The following RUNDC3B variants were observed in gnomAD, a reference collection of about 807,000 sequenced individuals.
RUNDC3B encodes the protein RUN domain containing 3B.
A neutral mutation model predicts 58.4 loss-of-function variants in RUNDC3B; 33 were observed. That is an observed-to-expected ratio of 0.56 (90% CI 0.43 to 0.75). RUNDC3B has a LOEUF of 0.75. Ranked by LOEUF, RUNDC3B falls within the 30% of genes least tolerant of loss-of-function variation. RUNDC3B has a pLI of 0.00. For missense variants in RUNDC3B, 501 were observed against 535.7 expected, an observed-to-expected ratio of 0.94 and a Z score of 0.64; for synonymous variants, 193 against 195.2, an observed-to-expected ratio of 0.99 and a Z score of 0.10.
intron 6 of RUNDC3B, among the ~76,000 whole-genome samples, chr7:87,753,830 A>G (rs1032204181): frequency 6.6e-6 from 1 of 152,140 alleles, no homozygotes; most frequent in Non-Finnish European, 1.5e-5. Flanking sequence ...AACTTATTCT[A>G]CATAGAGGAG....
chr7:87,825,720 AG>A (rs1417579014), intron 10 of RUNDC3B, among the ~76,000 whole-genome samples: 14 of 152,186 alleles, frequency 9.2e-5, no homozygotes, highest in African/African-American at 3.4e-4. Flanking sequence ...GCAAAACCAC[AG>A]GGGTGGAGCT....
intron 1 of RUNDC3B, among the ~76,000 whole-genome samples, chr7:87,650,198 T>C (rs1282952541): frequency 6.6e-6 from 1 of 152,170 alleles, no homozygotes; most frequent in African/African-American, 2.4e-5. Context: ...TTTAGTTAGG[T>C]CACATTTTGA....
At chr7:87,637,217 A>G (rs1821869013) in intron 1 of RUNDC3B, among the ~76,000 whole-genome samples, 1 of 152,170 alleles carries the variant, frequency 6.6e-6, no homozygotes, top group South Asian at 2.1e-4. Flanking sequence ...CTCATGCATC[A>G]CATTTATCTT....
At chr7:87,726,603 A>T (rs1441732527) in intron 4 of RUNDC3B, among the ~76,000 whole-genome samples, 1 of 152,092 alleles carries the variant, frequency 6.6e-6, no homozygotes, top group Non-Finnish European at 1.5e-5. Flanking sequence ...ATGAACTTTA[A>T]AGTAGTTTTT....
chr7:87,690,777 C>T (rs142250297), intron 2 of RUNDC3B, among the ~76,000 whole-genome samples: 2 of 152,222 alleles, frequency 1.3e-5, no homozygotes, highest in Admixed American at 6.5e-5. Flanking sequence ...TGTGAAAAAT[C>T]TGAATTATTA....
intron 8 of RUNDC3B, among the ~76,000 whole-genome samples, chr7:87,803,693 C>T (rs1482364853): frequency 6.6e-6 from 1 of 152,096 alleles, no homozygotes; most frequent in African/African-American, 2.4e-5. Flanking sequence ...TGCTTCTTCA[C>T]GTATTTTAAG....
intron 2 of RUNDC3B, among the ~76,000 whole-genome samples, chr7:87,660,009 C>T (rs556969485): frequency 1.5e-4 from 23 of 152,128 alleles, no homozygotes; most frequent in Non-Finnish European, 2.5e-4. Flanking sequence ...TTTAGGATTT[C>T]GGTTTGATAA....
chr7:87,700,321 C>T (rs1828913229), intron 2 of RUNDC3B, 100 bp from the exon 3 acceptor site: 1 of 1,024,042 alleles, frequency 9.8e-7, no homozygotes, highest in Non-Finnish European at 1.4e-6. Context: ...TTATAGTTCA[C>T]TATATTACCT....
intron 2 of RUNDC3B, among the ~76,000 whole-genome samples, chr7:87,689,826 T>G (rs1302693270): frequency 2.0e-5 from 3 of 152,172 alleles, no homozygotes; most frequent in African/African-American, 7.2e-5. Context: ...GCTAGACGTC[T>G]AATGATAAAT....
intron 2 of RUNDC3B, among the ~76,000 whole-genome samples, chr7:87,692,816 C>T (rs1488571145): frequency 6.6e-6 from 1 of 152,158 alleles, no homozygotes; most frequent in Non-Finnish European, 1.5e-5. Flanking sequence ...ATAGCAAGAA[C>T]ATTATGTTCT....
At chr7:87,645,108 GT>G in intron 1 of RUNDC3B, among the ~76,000 whole-genome samples, 1 of 144,758 alleles carries the variant, frequency 6.9e-6, no homozygotes, top group East Asian at 2.0e-4. Flanking sequence ...TTGAGACAGA[GT>G]TTTGCTCTTG....
chr7:87,717,540 G>T (rs1222539660), intron 4 of RUNDC3B, among the ~76,000 whole-genome samples: 1 of 151,942 alleles, frequency 6.6e-6, no homozygotes, highest in African/African-American at 2.4e-5. Context: ...GACATATGAT[G>T]CATTTAAAAA....
chr7:87,744,164 G>A (rs1192039155), intron 6 of RUNDC3B, among the ~76,000 whole-genome samples: 1 of 152,140 alleles, frequency 6.6e-6, no homozygotes, highest in Non-Finnish European at 1.5e-5. Context: ...CTGTTCCACT[G>A]GTCTATGTGC....
intron 8 of RUNDC3B, among the ~76,000 whole-genome samples, chr7:87,803,984 T>C (rs952499523): frequency 2.6e-5 from 4 of 152,194 alleles, no homozygotes; most frequent in African/African-American, 7.2e-5. Context: ...AGTGAATAAA[T>C]ATGAAACAAA....
chr7:87,753,077 C>CTT (rs1833122552), intron 6 of RUNDC3B, among the ~76,000 whole-genome samples: 1 of 151,490 alleles, frequency 6.6e-6, no homozygotes, highest in Non-Finnish European at 1.5e-5. Flanking sequence ...TATGTTGTGT[C>CTT]TGTTCTCATT....
intron 10 of RUNDC3B, among the ~76,000 whole-genome samples, chr7:87,823,791 TACACACACACAC>T (rs113441553): frequency 2.1e-5 from 3 of 143,784 alleles, no homozygotes; most frequent in African/African-American, 7.6e-5. Context: ...TTCATATATA[TACACACACACAC>T]ACACACACAC....
chr7:87,718,794 A>T (rs1447157688), intron 4 of RUNDC3B, among the ~76,000 whole-genome samples: 1 of 152,172 alleles, frequency 6.6e-6, no homozygotes, highest in Non-Finnish European at 1.5e-5. Flanking sequence ...TGTATTTCCA[A>T]TAAGATTTTA....
In RUNDC3B at chr7:87,816,146, G is replaced by A. The variant is rs369527519; in HGVS notation, c.1109G>A (p.Ser370Asn). The A allele has an allele frequency of 6.2e-7, 1 of 1,601,650 alleles. No individual in the cohort carries two copies. The highest frequency in any genetic ancestry group is 8.5e-7 in the Non-Finnish European group (1 of 1,172,012). The change falls in exon 10 of 11, where the codon AGT (serine) becomes AAT (asparagine). Residue 370 changes from serine to asparagine, a missense_variant. Coordinates refer to ENST00000394654, the MANE Select transcript of RUNDC3B (RefSeq NM_001134405.2). Reference sequence around the variant, plus strand: ...ATTTCATCCTTGCTTTACAGGAAAAGTTATCAAAGTCTTGACCAGTTATCA... The same window carrying A: ...ATTTCATCCTTGCTTTACAGGAAAAATTATCAAAGTCTTGACCAGTTATCA... Reference protein sequence around the residue: ...RKHNKQWYEKSYQSLDQLSAE... With the variant: ...RKHNKQWYEKNYQSLDQLSAE...
chr7:87,786,230 C>T (rs1487844226), intron 8 of RUNDC3B, among the ~76,000 whole-genome samples: 1 of 151,992 alleles, frequency 6.6e-6, no homozygotes, highest in Non-Finnish European at 1.5e-5. Context: ...CAGTAGCAGC[C>T]CAGCTCCACT....
Sources: gnomAD v4.1 joint callset for allele counts (sites outside exome capture counted in the v4.1 genomes callset) on GRCh38, gnomAD v4.1.1 for gene constraint, MANE v1.5 for transcripts, NCBI Gene and HGNC (gene_info 2026-07-23, HGNC 2026-07-21) for gene names.